PATJ: variants seen among roughly 807,000 people sequenced by gnomAD.
PATJ encodes the protein inaD-like protein.
PATJ carries 190 observed loss-of-function variants against 224.9 expected under a neutral mutation model. The ratio of observed to expected loss-of-function variants is 0.84; its 90% confidence interval spans 0.75 to 0.95. The LOEUF is 0.95. Among genes scored for constraint, PATJ ranks in the 40% least tolerant of loss-of-function variants. PATJ has a pLI of 0.00. For missense variants in PATJ, 2,121 were observed against 2,270.3 expected (o/e 0.93, Z 1.34); for synonymous variants, 769 against 820.3 (o/e 0.94, Z 1.07).
At chr1:61,906,652 C>A (rs1671900338) in intron 24 of PATJ, among the ~76,000 whole-genome samples, 1 of 152,174 alleles carries the variant, frequency 6.6e-6, no homozygotes, top group Non-Finnish European at 1.5e-5. Flanking sequence ...CCCTTCCTTG[C>A]ATGTGCTTCC....
At chr1:62,157,141 T>C (rs986898099) in intron 43 of PATJ, among the ~76,000 whole-genome samples, 2 of 151,646 alleles carry the variant, frequency 1.3e-5, no homozygotes, top group Non-Finnish European at 2.9e-5. Flanking sequence ...CTGGCCAACA[T>C]GGTGAAACCC....
intron 29 of PATJ, among the ~76,000 whole-genome samples, chr1:62,033,738 G>C (rs1649781782): frequency 1.3e-5 from 2 of 152,170 alleles, no homozygotes; most frequent in African/African-American, 4.8e-5. Context: ...CTAACTCATG[G>C]AAACAGCTCA....
intron 1 of PATJ, among the ~76,000 whole-genome samples, chr1:61,752,516 G>T (rs899777830): frequency 1.3e-5 from 2 of 151,902 alleles, no homozygotes; most frequent in African/African-American, 2.4e-5. Context: ...TTTTCACCAC[G>T]TTGGCCAGGC....
At chr1:62,127,576 C>T (rs935665860) in intron 39 of PATJ, among the ~76,000 whole-genome samples, 2 of 152,138 alleles carry the variant, frequency 1.3e-5, no homozygotes, top group East Asian at 3.9e-4. Context: ...GAGGCCAAGG[C>T]GGGTGGATCA....
At chr1:61,781,699 T>G (rs1016617638) in intron 7 of PATJ, among the ~76,000 whole-genome samples, 11 of 152,206 alleles carry the variant, frequency 7.2e-5, no homozygotes, top group Admixed American at 6.5e-4. Context: ...TTGGCTTAAT[T>G]CTATGTTTCT....
At chr1:61,875,195 A>C (rs751382267) in intron 20 of PATJ, 48 bp from the exon 21 acceptor site, 3 of 1,320,634 alleles carry the variant, frequency 2.3e-6, no homozygotes, top group Non-Finnish European at 3.2e-6. Flanking sequence ...ACAGTAATAC[A>C]TTTTTTTCAT....
chr1:61,871,027 G>A (rs1666254824), intron 20 of PATJ, among the ~76,000 whole-genome samples: 1 of 146,002 alleles, frequency 6.8e-6, no homozygotes, highest in South Asian at 2.2e-4. Flanking sequence ...TTGGAGAAAT[G>A]TCTGTTCAAG....
Position 62,132,582 on chromosome 1 carries a change from T to C in PATJ, c.5271+3637T>C, listed in dbSNP as rs1373150643. Among the ~76,000 whole-genome samples, 3 of 152,096 alleles carry C rather than the reference T, an allele frequency of 2.0e-5. 1 individual carries two copies. The highest frequency in any genetic ancestry group is 4.4e-5 in the Non-Finnish European group (3 of 68,022). On this transcript the variant is annotated intron_variant, in intron 41 of 43. Transcript: ENST00000642238. ...AAGGAGCAAGGACTCTTTCATTAAATACTATAGAATCATTTTGACTTTTTA... is the reference window on the plus strand; with the variant it reads ...AAGGAGCAAGGACTCTTTCATTAAACACTATAGAATCATTTTGACTTTTTA...
chr1:61,828,133 C>A (rs1444067192), intron 16 of PATJ, among the ~76,000 whole-genome samples: 1 of 151,650 alleles, frequency 6.6e-6, no homozygotes, highest in East Asian at 1.9e-4. Context: ...ATCCCAGCAA[C>A]TTGGGAGGCT....
At chr1:62,024,441 G>A (rs1178219633) in intron 29 of PATJ, among the ~76,000 whole-genome samples, 1 of 151,850 alleles carries the variant, frequency 6.6e-6, no homozygotes, top group East Asian at 1.9e-4. Flanking sequence ...TTTTTTCTTT[G>A]CTACGTCCAT....
chr1:61,984,662 G>T (rs11207886), intron 27 of PATJ, among the ~76,000 whole-genome samples: 38,502 of 151,878 alleles, frequency 0.25, 5,243 homozygotes, highest in East Asian at 0.45. Context: ...CAACCAAAAC[G>T]AGTCCTTGGC....
intron 27 of PATJ, among the ~76,000 whole-genome samples, chr1:61,976,881 T>C (rs1202519637): frequency 6.6e-6 from 1 of 152,080 alleles, no homozygotes; most frequent in Non-Finnish European, 1.5e-5. Flanking sequence ...TATTTTCAAA[T>C]TATCCCCAGA....
intron 31 of PATJ, among the ~76,000 whole-genome samples, chr1:62,061,934 C>G (rs1415601826): frequency 6.6e-6 from 1 of 152,222 alleles, no homozygotes; most frequent in East Asian, 1.9e-4. Flanking sequence ...GCTGGGATTA[C>G]AGGCGTGAGC....
chr1:61,931,063 A>G (rs1675961000), intron 27 of PATJ, among the ~76,000 whole-genome samples: 1 of 151,726 alleles, frequency 6.6e-6, no homozygotes, highest in African/African-American at 2.4e-5. Flanking sequence ...CTGGTCTCAA[A>G]CTCCTCGGCT....
intron 31 of PATJ, among the ~76,000 whole-genome samples, chr1:62,059,023 T>C (rs1217854962): frequency 1.3e-5 from 2 of 152,208 alleles, no homozygotes; most frequent in Non-Finnish European, 1.5e-5. Flanking sequence ...CCTTCAATTA[T>C]GTACTCCGAG....
At chr1:61,979,382 C>A (rs554517215) in intron 27 of PATJ, among the ~76,000 whole-genome samples, 1 of 152,006 alleles carries the variant, frequency 6.6e-6, no homozygotes, top group African/African-American at 2.4e-5. Context: ...AGGCCAGGCG[C>A]GGTGGTTCAG....
intron 33 of PATJ, among the ~76,000 whole-genome samples, chr1:62,107,237 C>T (rs1156750512): frequency 2.0e-5 from 3 of 151,270 alleles, no homozygotes; most frequent in Non-Finnish European, 2.9e-5. Flanking sequence ...ACCCAGGAGA[C>T]GGAGCTTGCA....
At chr1:62,069,578 A>G (rs1291500801) in intron 31 of PATJ, among the ~76,000 whole-genome samples, 1 of 152,218 alleles carries the variant, frequency 6.6e-6, no homozygotes, top group African/African-American at 2.4e-5. Flanking sequence ...GCGTCAGACC[A>G]GATGCTTTTC....
At chr1:61,970,886 T>A (rs200209070) in intron 27 of PATJ, among the ~76,000 whole-genome samples, 35,434 of 151,946 alleles carry the variant, frequency 0.23, 4,582 homozygotes, top group African/African-American at 0.35. Flanking sequence ...AACTATAAGA[T>A]ACTTCTGAGA....
Sources: gnomAD v4.1 joint callset for allele counts (sites outside exome capture counted in the v4.1 genomes callset) on GRCh38, gnomAD v4.1.1 for gene constraint, MANE v1.5 for transcripts, NCBI Gene and HGNC (gene_info 2026-07-23, HGNC 2026-07-21) for gene names.